DUT: variants seen among roughly 807,000 people sequenced by gnomAD.
DUT encodes the protein deoxyuridine triphosphatase.
A neutral mutation model predicts 28.8 loss-of-function variants in DUT; 21 were observed. The observed-to-expected ratio is 0.73, with a 90% confidence interval of 0.52 to 1.05. The LOEUF is 1.05. Among genes scored for constraint, DUT ranks in the 50% least tolerant of loss-of-function variants. DUT has a pLI of 0.00. For missense variants in DUT, 344 were observed against 351.8 expected, an observed-to-expected ratio of 0.98 and a Z score of 0.18; for synonymous variants, 147 against 143.7, an observed-to-expected ratio of 1.02 and a Z score of -0.17.
At position 48,341,502 on chromosome 15, in the gene DUT, T is replaced by C. The variant is rs763086400; in HGVS notation, c.632-13T>C. 3.4e-5 allele frequency: 55 copies of C among 1,612,258 alleles called. No individual in the cohort carries two copies. Among genetic ancestry groups the C allele is most frequent in the Non-Finnish European group, 4.4e-5 (52 of 1,178,938 alleles). ...GTCAGTAACGTCAGTAATAAACTAT[T>C]CTTTCTTTGAAGTCAAAAAAGGTGA... On this transcript the variant is annotated splice_polypyrimidine_tract_variant and intron_variant, in intron 5 of 6. Transcript: ENST00000331200.
At chr15:48,336,557 A>G (rs1392969240) in intron 4 of DUT, among the ~76,000 whole-genome samples, 1 of 152,128 alleles carries the variant, frequency 6.6e-6, no homozygotes, top group East Asian at 1.9e-4. Context: ...ACCCTACCTC[A>G]TGTGGTACCT....
Position 48,342,013 on chromosome 15 carries a change from A to C in DUT, c.703-9A>C. On this transcript the variant is annotated splice_polypyrimidine_tract_variant and intron_variant, in intron 6 of 6. Transcript: ENST00000331200. ...AAACTGTGAAGCTTACTACCTTTCT[A>C]TCTTTCAGGCCTTGGATGACACCGA... 3 of 1,567,524 alleles carry C rather than the reference A, an allele frequency of 1.9e-6. No individual in the cohort carries two copies. The highest frequency in any genetic ancestry group is 2.6e-6 in the Non-Finnish European group (3 of 1,163,900).
intron 2 of DUT, among the ~76,000 whole-genome samples, chr15:48,333,378 T>A (rs1392414286): frequency 6.6e-6 from 1 of 152,196 alleles, no homozygotes; most frequent in African/African-American, 2.4e-5. Context: ...ACTAGACCTT[T>A]CCAAAGTATA....
chr15:48,337,331 TATATTTTCA>T (rs2042486293), intron 4 of DUT, among the ~76,000 whole-genome samples: 1 of 152,212 alleles, frequency 6.6e-6, no homozygotes, highest in African/African-American at 2.4e-5. Context: ...AATAATTGTA[TATATTTTCA>T]ATGAAGTTTC....
chr15:48,338,419 T>C (rs1417429129), intron 4 of DUT, among the ~76,000 whole-genome samples: 1 of 152,114 alleles, frequency 6.6e-6, no homozygotes, highest in Non-Finnish European at 1.5e-5. Context: ...TTTTGTATGT[T>C]AGAAGATACT....
Position 48,331,774 on chromosome 15 carries a change from G to T in DUT, c.259G>T (p.Gly87Ter). 1 of 1,387,866 alleles carries T rather than the reference G, an allele frequency of 7.2e-7. No homozygotes were observed. The highest frequency in any genetic ancestry group is 9.3e-7 in the Non-Finnish European group (1 of 1,076,202). 86.0% of individuals were successfully genotyped at this position (1,387,866 alleles called of 1,614,324 possible). A position where few individuals can be genotyped will look rare whatever the true frequency, so the allele number is the denominator to read the frequency against. ...GWKGELPKAG[G>*]SPAPGPETPA... Reference sequence around the variant, plus strand: ...GAAGGGCGAGCTTCCTAAGGCGGGGGGAAGCCCGGCGCCGGGGCCGGGTAG... The same window carrying T: ...GAAGGGCGAGCTTCCTAAGGCGGGGTGAAGCCCGGCGCCGGGGCCGGGTAG... Residue 87 changes from glycine to a stop codon, truncating the protein, a stop_gained, in exon 1 of 7, where the codon GGA (glycine) becomes TGA (stop). Coordinates refer to ENST00000331200, the MANE Select transcript of DUT (RefSeq NM_001025248.2). LOFTEE classifies it high-confidence loss of function.
intron 3 of DUT, 66 bp downstream of exon 3, chr15:48,334,574 C>T: frequency 1.0e-5 from 13 of 1,244,560 alleles, no homozygotes; most frequent in Non-Finnish European, 1.5e-5. Flanking sequence ...CTTCATGTTT[C>T]ATTTGGGGTA....
At chr15:48,338,273 T>TA (rs1236668869) in intron 4 of DUT, among the ~76,000 whole-genome samples, 1 of 152,158 alleles carries the variant, frequency 6.6e-6, no homozygotes, top group Admixed American at 6.5e-5. Context: ...TTTAGTCACT[T>TA]AAAGGTTTTT....
In DUT at chr15:48,342,706, G is replaced by T. The variant is rs2042553071; in HGVS notation, c.*628G>T. 6.6e-6 allele frequency: 1 copy of T among 151,994 alleles called. No homozygotes were observed. Among genetic ancestry groups the T allele is most frequent in the African/African-American group, 2.4e-5 (1 of 41,364 alleles). The allele number at this position is 151,994 out of a possible 1,614,324, so 9.4% of individuals were successfully genotyped here. A position where few individuals can be genotyped will look rare whatever the true frequency, so the allele number is the denominator to read the frequency against. ...CTTTTGATAAATCCTCTATTGACTG[G>T]GTAGAGGTATGTTTGTGAAAGACAT... On this transcript the variant is annotated 3_prime_UTR_variant, in exon 7 of 7. Transcript: ENST00000331200.
intron 6 of DUT, 75 bp from the exon 7 acceptor site, chr15:48,341,947 C>G: frequency 9.0e-7 from 1 of 1,113,680 alleles, no homozygotes; most frequent in East Asian, 2.6e-5. Context: ...CTGTATTTTT[C>G]TTAGGAGCTG....
At chr15:48,341,719 A>G in intron 6 of DUT, 134 bp downstream of exon 6, 1 of 741,276 alleles carries the variant, frequency 1.3e-6, no homozygotes, top group Admixed American at 3.2e-5. Context: ...AAGCAAATTT[A>G]AAATACTAGT....
chr15:48,337,359 G>C (rs551157052), intron 4 of DUT, among the ~76,000 whole-genome samples: 3 of 152,330 alleles, frequency 2.0e-5, no homozygotes, highest in Admixed American at 6.5e-5. Flanking sequence ...TCAAATGATT[G>C]TTCAAGGAAC....
At chr15:48,333,774 A>G (rs1304081264) in intron 2 of DUT, among the ~76,000 whole-genome samples, 1 of 152,228 alleles carries the variant, frequency 6.6e-6, no homozygotes, top group Admixed American at 6.5e-5. Context: ...CAGGAAATTC[A>G]TAGCCTAAGC....
In DUT at chr15:48,334,475, A is replaced by C; in HGVS notation, c.478A>C (p.Ile160Leu). The C allele has an allele frequency of 6.2e-7, 1 of 1,612,062 alleles. No homozygotes were observed. The highest frequency in any genetic ancestry group is 8.5e-7 in the Non-Finnish European group (1 of 1,178,668). The change falls in exon 3 of 7, where the codon ATA becomes CTA. Residue 160 changes from isoleucine (I) to leucine (L), a missense_variant. Coordinates refer to ENST00000331200, the MANE Select transcript of DUT (RefSeq NM_001025248.2). ...AGCTGTTGTGAAAACGGACATTCAG[A>C]TAGCGCTCCCTTCTGGGTGTTATGG... ...EKAVVKTDIQIALPSGCYGRV... is the reference protein window; with the variant it reads ...EKAVVKTDIQLALPSGCYGRV...
Position 48,332,183 on chromosome 15 carries a change from C to T in DUT, c.281-85C>T, listed in dbSNP as rs974322674. The T allele has an allele frequency of 3.2e-5, 47 of 1,487,714 alleles. No homozygotes were observed. The Middle Eastern group carries it at 1.2e-3, about 38-fold the overall frequency. The allele number at this position is 1,487,714 out of a possible 1,614,324, so 92.2% of individuals were successfully genotyped here. ...GGAAATTTCGGTTTTGGCGCGCTCC[C>T]TGCGGCGACGCTCATCGTGCGCTCT... On this transcript the variant is annotated intron_variant, in intron 1 of 6. Coordinates refer to ENST00000331200, the MANE Select transcript of DUT (RefSeq NM_001025248.2).
At chr15:48,341,396 G>A in intron 5 of DUT, 33 bp downstream of exon 5, 1 of 1,581,602 alleles carries the variant, frequency 6.3e-7, no homozygotes, top group Non-Finnish European at 8.7e-7. Flanking sequence ...CATAATTTTA[G>A]TGAATTTTCA....
In DUT at chr15:48,335,998, T is replaced by C. The variant is rs780480318; in HGVS notation, c.512-48T>C. 4.0e-6 allele frequency: 6 copies of C among 1,508,400 alleles called. No homozygotes were observed. In the East Asian group the frequency reaches 6.9e-5, roughly 17 times the overall value. The allele number at this position is 1,508,400 out of a possible 1,614,324, so 93.4% of individuals were successfully genotyped here. ...TAAATTGCATCAGTTATCTCTGATA[T>C]AGCCCTTCCCCCTTAAAATAACCAA... On this transcript the variant is annotated intron_variant, in intron 3 of 6. Transcript: ENST00000331200.
chr15:48,341,968 C>A, intron 6 of DUT, 54 bp from the exon 7 acceptor site: 1 of 1,389,596 alleles, frequency 7.2e-7, no homozygotes, highest in Non-Finnish European at 9.9e-7. Flanking sequence ...GAGAGGAAAA[C>A]TGAAAGAGGC....
At chr15:48,335,969 T>C (rs759628949) in intron 3 of DUT, 77 bp from the exon 4 acceptor site, 96 of 1,117,644 alleles carry the variant, frequency 8.6e-5, no homozygotes, top group Non-Finnish European at 1.2e-4. Context: ...GAGAATGACA[T>C]GCTTAAATTG....
Sources: gnomAD v4.1 joint callset for allele counts (sites outside exome capture counted in the v4.1 genomes callset) on GRCh38, gnomAD v4.1.1 for gene constraint, MANE v1.5 for transcripts, NCBI Gene and HGNC (gene_info 2026-07-23, HGNC 2026-07-21) for gene names.